The following ALK variants were observed in gnomAD, a reference collection of about 807,000 sequenced individuals.
ALK encodes the protein ALK tyrosine kinase receptor.
In ALK, 74 loss-of-function variants were observed where a neutral mutation model predicts 163.1. The ratio of observed to expected loss-of-function variants is 0.45; its 90% CI spans 0.38 to 0.55. The LOEUF is 0.55. ALK is among the 20% of genes least tolerant of loss of function. ALK has a pLI of 0.00. For missense variants in ALK, 2,063 were observed against 2,105.3 expected, an observed-to-expected ratio of 0.98 and a Z score of 0.39; for synonymous variants, 960 against 843.2, an observed-to-expected ratio of 1.14 and a Z score of -2.40.
At chr2:29,542,167 G>T (rs1673429451) in intron 3 of ALK, among the ~76,000 whole-genome samples, 1 of 152,138 alleles carries the variant, frequency 6.6e-6, no homozygotes, top group Non-Finnish European at 1.5e-5. Context: ...AGGGCAAAGG[G>T]AAAGTTTTCC....
At chr2:29,329,209 C>A (rs913675836) in intron 5 of ALK, among the ~76,000 whole-genome samples, 18 of 152,196 alleles carry the variant, frequency 1.2e-4, no homozygotes, top group African/African-American at 4.3e-4. Flanking sequence ...TTATAATGAA[C>A]ATACAGAGTT....
intron 23 of ALK, among the ~76,000 whole-genome samples, chr2:29,217,131 TG>T (rs1558619602): frequency 1.8e-3 from 3 of 1,640 alleles, no homozygotes; most frequent in Non-Finnish European, 0.014. Flanking sequence ...GCGTGTGTGG[TG>T]TGTGTGTGTG....
chr2:29,450,160 C>T (rs1322791344), intron 4 of ALK, among the ~76,000 whole-genome samples: 1 of 152,196 alleles, frequency 6.6e-6, no homozygotes, highest in Non-Finnish European at 1.5e-5. Flanking sequence ...CCTACCTTTA[C>T]CTACCTTCTC....
intron 4 of ALK, among the ~76,000 whole-genome samples, chr2:29,469,483 A>G (rs1671295734): frequency 6.6e-6 from 1 of 152,102 alleles, no homozygotes; most frequent in Non-Finnish European, 1.5e-5. Flanking sequence ...AAAGATAAAA[A>G]TCCCATTCAG....
intron 1 of ALK, among the ~76,000 whole-genome samples, chr2:29,772,984 T>C (rs147745164): frequency 1.3e-5 from 2 of 151,960 alleles, no homozygotes; most frequent in East Asian, 1.9e-4. Flanking sequence ...CGTGCTGGAG[T>C]TCCCACATTT....
intron 3 of ALK, among the ~76,000 whole-genome samples, chr2:29,554,421 T>C (rs570014661): frequency 6.6e-6 from 1 of 152,278 alleles, no homozygotes; most frequent in South Asian, 2.1e-4. Context: ...AGCTTGCAAA[T>C]TGTCAGCCTT....
At chr2:29,809,161 C>A (rs1414893069) in intron 1 of ALK, among the ~76,000 whole-genome samples, 1 of 152,216 alleles carries the variant, frequency 6.6e-6, no homozygotes, top group Admixed American at 6.5e-5. Flanking sequence ...AGAGCATTTA[C>A]TTAAGCAAGG....
At chr2:29,742,883 A>G (rs1317118483) in intron 1 of ALK, among the ~76,000 whole-genome samples, 1 of 152,216 alleles carries the variant, frequency 6.6e-6, no homozygotes, top group Non-Finnish European at 1.5e-5. Flanking sequence ...GCCAGCAATG[A>G]ATAGGGCCCT....
intron 1 of ALK, among the ~76,000 whole-genome samples, chr2:29,727,639 C>T (rs1679610425): frequency 6.6e-6 from 1 of 152,118 alleles, no homozygotes; most frequent in Non-Finnish European, 1.5e-5. Context: ...ACTAGAAATC[C>T]TTGTGCTTTT....
At chr2:29,872,517 G>A (rs1666604349) in intron 1 of ALK, among the ~76,000 whole-genome samples, 1 of 152,230 alleles carries the variant, frequency 6.6e-6, no homozygotes, top group Non-Finnish European at 1.5e-5. Context: ...CACAGTTGGG[G>A]AAAATCACCT....
intron 9 of ALK, among the ~76,000 whole-genome samples, chr2:29,291,502 T>A (rs530535460): frequency 1.3e-3 from 192 of 152,344 alleles, no homozygotes; most frequent in African/African-American, 4.4e-3. Context: ...GGGAAAATTA[T>A]TTAACCTCCA....
At chr2:29,799,881 A>G (rs1041667999) in intron 1 of ALK, among the ~76,000 whole-genome samples, 1 of 152,216 alleles carries the variant, frequency 6.6e-6, no homozygotes, top group Non-Finnish European at 1.5e-5. Flanking sequence ...AAAAAGTACA[A>G]TGACAACAAC....
intron 26 of ALK, among the ~76,000 whole-genome samples, chr2:29,206,182 T>C (rs1209340847): frequency 5.3e-5 from 8 of 151,726 alleles, no homozygotes; most frequent in Admixed American, 5.2e-4. Context: ...TCCCCTTCTT[T>C]TCTTCCTCCC....
At chr2:29,519,370 T>C (rs1007786675) in intron 4 of ALK, among the ~76,000 whole-genome samples, 2 of 152,228 alleles carry the variant, frequency 1.3e-5, no homozygotes, top group African/African-American at 4.8e-5. Context: ...ATTGAAATAT[T>C]TTTCAAGTTC....
chr2:29,876,906 A>G (rs1666738821), intron 1 of ALK, among the ~76,000 whole-genome samples: 1 of 152,196 alleles, frequency 6.6e-6, no homozygotes, highest in South Asian at 2.1e-4. Context: ...ACCAGCTCTC[A>G]GGCCCTGTCC....
At chr2:29,305,195 CAAGG>C (rs1305294109) in intron 8 of ALK, among the ~76,000 whole-genome samples, 4 of 152,164 alleles carry the variant, frequency 2.6e-5, no homozygotes, top group Admixed American at 1.3e-4. Context: ...CCACCATCAC[CAAGG>C]TGTAGAGGGG....
chr2:29,911,506 G>A (rs1229958942), intron 1 of ALK, among the ~76,000 whole-genome samples: 1 of 152,150 alleles, frequency 6.6e-6, no homozygotes. Flanking sequence ...CTAAATGCAG[G>A]ATCTGTGCAG....
At chr2:29,635,097 T>G (rs969342652) in intron 3 of ALK, among the ~76,000 whole-genome samples, 2 of 152,200 alleles carry the variant, frequency 1.3e-5, no homozygotes, top group Non-Finnish European at 2.9e-5. Flanking sequence ...ATTTGTGTGC[T>G]GAAAACTACT....
At chr2:29,662,763 C>A (rs140155330) in intron 3 of ALK, among the ~76,000 whole-genome samples, 1 of 151,982 alleles carries the variant, frequency 6.6e-6, no homozygotes, top group African/African-American at 2.4e-5. Flanking sequence ...GTGACCTACA[C>A]GTGAAGGCAT....
Sources: gnomAD v4.1 joint callset for allele counts (sites outside exome capture counted in the v4.1 genomes callset) on GRCh38, gnomAD v4.1.1 for gene constraint, MANE v1.5 for transcripts, NCBI Gene and HGNC (gene_info 2026-07-23, HGNC 2026-07-21) for gene names.